The following CSMD1 variants were observed in gnomAD, a reference collection of about 807,000 sequenced individuals.
CSMD1 encodes CUB and sushi domain-containing protein 1.
In CSMD1, 213 loss-of-function variants were observed where a neutral mutation model predicts 417.5. The ratio of observed to expected loss-of-function variants is 0.51; its 90% confidence interval spans 0.46 to 0.57. The LOEUF (loss-of-function observed/expected upper bound fraction) is 0.57. CSMD1 is among the 20% of genes least tolerant of loss of function. The pLI, the probability that CSMD1 is intolerant of heterozygous loss-of-function variation, is 0.00. For synonymous variants in CSMD1, 2,862 were observed against 1,736.8 expected, an observed-to-expected ratio of 1.65 and a Z score of -16.11; for missense variants, 6,923 against 4,529.7, an observed-to-expected ratio of 1.53 and a Z score of -15.17.
chr8:4,715,922 T>C (rs1383845584), intron 1 of CSMD1, among the ~76,000 whole-genome samples: 1 of 152,180 alleles, frequency 6.6e-6, no homozygotes, highest in Non-Finnish European at 1.5e-5. Flanking sequence ...CTTCACATAA[T>C]AGCTAAAATT....
At chr8:3,240,663 T>G (rs1032232314) in intron 26 of CSMD1, among the ~76,000 whole-genome samples, 1 of 151,984 alleles carries the variant, frequency 6.6e-6, no homozygotes, top group Non-Finnish European at 1.5e-5. Context: ...GAGGCTGGAA[T>G]GAAAGGCGCA....
At chr8:3,094,174 C>T (rs916845550) in intron 47 of CSMD1, among the ~76,000 whole-genome samples, 3 of 151,778 alleles carry the variant, frequency 2.0e-5, no homozygotes, top group African/African-American at 4.8e-5. Context: ...GGTACAATCT[C>T]GGCTCTCTGC....
At chr8:4,213,321 G>A (rs915384503) in intron 3 of CSMD1, among the ~76,000 whole-genome samples, 2 of 152,082 alleles carry the variant, frequency 1.3e-5, no homozygotes, top group East Asian at 3.9e-4. Context: ...CTCTGCTCCA[G>A]ACATGCAATT....
intron 3 of CSMD1, among the ~76,000 whole-genome samples, chr8:4,385,175 G>T (rs984376044): frequency 2.7e-5 from 4 of 150,304 alleles, no homozygotes; most frequent in African/African-American, 7.4e-5. Context: ...GATCCTCCCC[G>T]TCTCGGCGTC....
chr8:3,505,693 AC>A (rs1339857917), intron 10 of CSMD1, among the ~76,000 whole-genome samples: 1 of 152,164 alleles, frequency 6.6e-6, no homozygotes, highest in African/African-American at 2.4e-5. Flanking sequence ...GAGGTACTGG[AC>A]CAACAACACT....
At chr8:4,151,730 A>G (rs1796581140) in intron 3 of CSMD1, among the ~76,000 whole-genome samples, 1 of 152,238 alleles carries the variant, frequency 6.6e-6, no homozygotes, top group African/African-American at 2.4e-5. Context: ...AACAGCGGGT[A>G]AATACTAGAG....
In CSMD1 at chr8:2,986,624, T is replaced by G. The variant is rs148707313; in HGVS notation, c.8378-7824A>C. 6.3e-3 allele frequency among the ~76,000 whole-genome samples: 962 copies of G among 151,988 alleles called. 10 individuals are homozygous for G. The highest frequency in any genetic ancestry group is 0.014 in the Middle Eastern group (4 of 294). ...GGTTCACACCATTCTCCTGCCTCAG[T>G]CTCCCGAGTAGGTGGGACTACAGGT... On this transcript the variant is annotated intron_variant, in intron 54 of 69. Coordinates refer to ENST00000635120, the MANE Select transcript of CSMD1 (RefSeq NM_033225.6).
intron 5 of CSMD1, among the ~76,000 whole-genome samples, chr8:3,831,695 A>G (rs1017688665): frequency 6.6e-6 from 1 of 152,156 alleles, no homozygotes; most frequent in Non-Finnish European, 1.5e-5. Flanking sequence ...ATATGTTTGG[A>G]ATGCCAATGA....
intron 3 of CSMD1, among the ~76,000 whole-genome samples, chr8:4,141,717 T>C (rs1274335757): frequency 6.6e-6 from 1 of 151,160 alleles, no homozygotes; most frequent in Non-Finnish European, 1.5e-5. Context: ...TCTGATCTAA[T>C]AATCTTGCAA....
intron 5 of CSMD1, among the ~76,000 whole-genome samples, chr8:3,793,892 C>T (rs907738843): frequency 6.6e-6 from 1 of 152,140 alleles, no homozygotes; most frequent in African/African-American, 2.4e-5. Context: ...TGTCAAATCG[C>T]AGAGTTCCCT....
chr8:3,803,582 T>C (rs1800574159), intron 5 of CSMD1, among the ~76,000 whole-genome samples: 2 of 152,158 alleles, frequency 1.3e-5, no homozygotes, highest in Admixed American at 6.5e-5. Context: ...AGATGGTTCA[T>C]GAAGGAGAAC....
At chr8:3,985,448 C>G (rs561898229) in intron 5 of CSMD1, among the ~76,000 whole-genome samples, 4 of 152,064 alleles carry the variant, frequency 2.6e-5, no homozygotes, top group African/African-American at 7.2e-5. Context: ...CACACCTGGG[C>G]GTGCACACTC....
chr8:3,679,606 G>A (rs1585064031), intron 7 of CSMD1, among the ~76,000 whole-genome samples: 1 of 152,104 alleles, frequency 6.6e-6, no homozygotes, highest in South Asian at 2.1e-4. Flanking sequence ...ACACCCCACT[G>A]TCAACATCAG....
At chr8:3,240,730 G>A (rs1169749191) in intron 26 of CSMD1, among the ~76,000 whole-genome samples, 1 of 152,094 alleles carries the variant, frequency 6.6e-6, no homozygotes, top group Non-Finnish European at 1.5e-5. Context: ...GGTTGTGGAG[G>A]GAGGTATCGA....
intron 5 of CSMD1, among the ~76,000 whole-genome samples, chr8:3,848,282 G>C (rs1015149260): frequency 1.3e-5 from 2 of 152,058 alleles, no homozygotes; most frequent in African/African-American, 4.8e-5. Context: ...CCCAACAGGG[G>C]AGCTCATTCT....
chr8:4,945,186 T>C (rs1808286480), intron 1 of CSMD1, among the ~76,000 whole-genome samples: 1 of 152,154 alleles, frequency 6.6e-6, no homozygotes, highest in Admixed American at 6.5e-5. Context: ...ACATGAGGTT[T>C]GTAGAGCAGT....
intron 1 of CSMD1, among the ~76,000 whole-genome samples, chr8:4,936,304 G>T (rs963386603): frequency 2.0e-5 from 3 of 152,154 alleles, no homozygotes; most frequent in Non-Finnish European, 4.4e-5. Context: ...GTGTGCATGG[G>T]ATTGTGAATA....
At chr8:3,710,320 A>T (rs149539641) in intron 6 of CSMD1, among the ~76,000 whole-genome samples, 26 of 152,250 alleles carry the variant, frequency 1.7e-4, no homozygotes, top group African/African-American at 6.3e-4. Context: ...TCAGGCACAC[A>T]CACATACCCA....
chr8:4,088,088 C>A (rs554385298), intron 3 of CSMD1, among the ~76,000 whole-genome samples: 2 of 152,290 alleles, frequency 1.3e-5, no homozygotes, highest in South Asian at 4.2e-4. Flanking sequence ...TAGAGGAAAC[C>A]ACAAAAGGAG....
Sources: allele counts gnomAD v4.1 joint callset (sites outside exome capture counted in the v4.1 genomes callset), GRCh38; gene constraint gnomAD v4.1.1; transcripts MANE v1.5; gene names NCBI Gene and HGNC (gene_info 2026-07-23, HGNC 2026-07-21).